Variants in DNM3 observed in about 807,000 individuals in gnomAD.
The protein encoded by DNM3 is dynamin 3, also known as dynamin-3.
A neutral mutation model predicts 101.6 loss-of-function variants in DNM3; 47 were observed. The ratio of observed to expected loss-of-function variants is 0.46; its 90% confidence interval spans 0.37 to 0.59. The LOEUF (loss-of-function observed/expected upper bound fraction) is 0.59. DNM3 is among the 20% of genes least tolerant of loss of function. The pLI is 0.00. For synonymous variants in DNM3, 385 were observed against 387.9 expected (o/e 0.99, Z 0.09); for missense variants, 849 against 1,085.7 (o/e 0.78, Z 3.06).
intron 14 of DNM3, chr1:172,144,931 C>G: frequency 6.0e-6 from 1 of 167,480 alleles, no homozygotes; most frequent in Non-Finnish European, 1.3e-5. Context: ...CTAGAATCGC[C>G]TGCTCTCAGA....
intron 14 of DNM3, among the ~76,000 whole-genome samples, chr1:172,147,835 C>T (rs1376857711): frequency 2.0e-5 from 3 of 152,082 alleles, no homozygotes; most frequent in African/African-American, 7.2e-5. Context: ...CTTCTTAACC[C>T]TTTCTGTCTT....
chr1:171,861,035 T>C (rs144876428), intron 1 of DNM3, among the ~76,000 whole-genome samples: 2 of 152,076 alleles, frequency 1.3e-5, no homozygotes, highest in Non-Finnish European at 2.9e-5. Context: ...CAATATATCA[T>C]TGATATTTAA....
chr1:171,853,246 C>G (rs1475037004), intron 1 of DNM3, among the ~76,000 whole-genome samples: 1 of 152,096 alleles, frequency 6.6e-6, no homozygotes, highest in Non-Finnish European at 1.5e-5. Flanking sequence ...TCACTGCAGC[C>G]TTGATATCCC....
At chr1:172,227,304 A>ATATATATATATATATATC (rs1215756972) in intron 14 of DNM3, among the ~76,000 whole-genome samples, 8 of 131,536 alleles carry the variant, frequency 6.1e-5, no homozygotes, top group Non-Finnish European at 4.8e-5. Context: ...ATATATATAT[A>ATATATATATATATATATC]TCACATTTTC....
Position 172,135,771 on chromosome 1 carries a change from G to A in DNM3, c.1659+4483G>A, listed in dbSNP as rs553546462. 1.5e-3 allele frequency among the ~76,000 whole-genome samples: 232 copies of A among 151,838 alleles called. 2 individuals are homozygous for A. Among genetic ancestry groups the A allele is most frequent in the Non-Finnish European group, 2.6e-3 (178 of 67,902 alleles). On this transcript the variant is annotated intron_variant, in intron 14 of 20. Transcript: ENST00000627582. Reference sequence around the variant, plus strand: ...AAAATCAGACTTGAAAAAAATGATGGCTTTTCTTTAACTTATGTCTAAAAT... The same window carrying A: ...AAAATCAGACTTGAAAAAAATGATGACTTTTCTTTAACTTATGTCTAAAAT...
At chr1:172,392,859 G>A (rs960477236) in intron 20 of DNM3, among the ~76,000 whole-genome samples, 7 of 152,088 alleles carry the variant, frequency 4.6e-5, no homozygotes, top group Non-Finnish European at 8.8e-5. Flanking sequence ...AGACAAAACT[G>A]AATCATTCGA....
At chr1:172,067,399 T>G (rs1348548899) in intron 10 of DNM3, among the ~76,000 whole-genome samples, 1 of 152,218 alleles carries the variant, frequency 6.6e-6, no homozygotes, top group Non-Finnish European at 1.5e-5. Flanking sequence ...CCATTCCATC[T>G]GAATTGCTTC....
rs1333902166 is a variant in DNM3 at position 171,987,740 on chromosome 1, G to A, written c.320G>A (p.Arg107His). Residue 107 changes from arginine (R) to histidine (H), a missense_variant, in exon 3 of 21, where the codon CGC becomes CAC. Physicochemically the swap from Arg to His is conservative, Grantham distance 29. Coordinates refer to ENST00000627582, the MANE Select transcript of DNM3 (RefSeq NM_015569.5). ...CTTGAGATTGAAGCAGAAACAGATC[G>A]CGTGACTGGAATGAATAAAGGCATT... is the stretch of plus-strand genomic sequence containing the variant. ...VRLEIEAETD[R>H]VTGMNKGISS... 9.3e-6 allele frequency: 15 copies of A among 1,604,378 alleles called. No homozygotes were observed. Among genetic ancestry groups the A allele is most frequent in the East Asian group, 2.2e-5 (1 of 44,532 alleles).
At chr1:172,316,843 T>C (rs890723585) in intron 16 of DNM3, among the ~76,000 whole-genome samples, 3 of 152,022 alleles carry the variant, frequency 2.0e-5, no homozygotes, top group Non-Finnish European at 2.9e-5. Flanking sequence ...GACAGAAAAT[T>C]AACAAGGATA....
chr1:172,332,294 T>C (rs1258447645), intron 17 of DNM3, among the ~76,000 whole-genome samples: 1 of 152,156 alleles, frequency 6.6e-6, no homozygotes, highest in Non-Finnish European at 1.5e-5. Context: ...CATCATCAAG[T>C]TGGCTGGGGC....
At chr1:172,120,363 C>T (rs1290927024) in intron 13 of DNM3, among the ~76,000 whole-genome samples, 1 of 152,092 alleles carries the variant, frequency 6.6e-6, no homozygotes, top group African/African-American at 2.4e-5. Flanking sequence ...AATTACCTCC[C>T]ACTGAGTCTC....
chr1:172,066,154 G>A (rs1011579674), intron 10 of DNM3, among the ~76,000 whole-genome samples: 78 of 152,146 alleles, frequency 5.1e-4, no homozygotes, highest in African/African-American at 1.8e-3. Flanking sequence ...TTGTAAGATT[G>A]GGCTATATCC....
intron 1 of DNM3, among the ~76,000 whole-genome samples, chr1:171,863,658 CCTT>C (rs2034416162): frequency 6.6e-6 from 1 of 152,130 alleles, no homozygotes; most frequent in Admixed American, 6.6e-5. Flanking sequence ...TCCGTTCTCT[CCTT>C]CTCCTTCTAT....
chr1:172,165,009 CA>C (rs1464315509), intron 14 of DNM3, among the ~76,000 whole-genome samples: 1 of 152,094 alleles, frequency 6.6e-6, no homozygotes, highest in Non-Finnish European at 1.5e-5. Flanking sequence ...GGCACAAACA[CA>C]AGCTGGTCAT....
At chr1:172,237,371 T>A (rs1019134554) in intron 14 of DNM3, among the ~76,000 whole-genome samples, 7 of 152,148 alleles carry the variant, frequency 4.6e-5, no homozygotes, top group Admixed American at 1.3e-4. Context: ...CCAGTGTATG[T>A]TCCAGCCGTG....
intron 4 of DNM3, among the ~76,000 whole-genome samples, chr1:172,026,361 G>A (rs1370774123): frequency 6.6e-6 from 1 of 152,102 alleles, no homozygotes; most frequent in African/African-American, 2.4e-5. Flanking sequence ...GGGAAGAATG[G>A]AACCAAGTTG....
intron 2 of DNM3, among the ~76,000 whole-genome samples, chr1:171,943,074 T>C (rs1276200577): frequency 1.3e-5 from 2 of 151,580 alleles, no homozygotes; most frequent in Non-Finnish European, 2.9e-5. Context: ...ATCCTGCCAC[T>C]GTACTCAGCC....
At chr1:172,233,959 C>T (rs2061437507) in intron 14 of DNM3, among the ~76,000 whole-genome samples, 1 of 152,164 alleles carries the variant, frequency 6.6e-6, no homozygotes, top group Admixed American at 6.5e-5. Context: ...AAACTGGAAG[C>T]ATTCCTTTTG....
intron 2 of DNM3, among the ~76,000 whole-genome samples, chr1:171,931,932 A>G (rs2041037884): frequency 6.6e-6 from 1 of 152,114 alleles, no homozygotes; most frequent in South Asian, 2.1e-4. Flanking sequence ...TGATACCTTA[A>G]AAATATTTAT....
Sources: allele counts gnomAD v4.1 joint callset (sites outside exome capture counted in the v4.1 genomes callset), GRCh38; gene constraint gnomAD v4.1.1; transcripts MANE v1.5; gene names NCBI Gene and HGNC (gene_info 2026-07-23, HGNC 2026-07-21).